FHIT: variants seen among roughly 807,000 people sequenced by gnomAD.
The protein encoded by FHIT is fragile histidine triad diadenosine triphosphatase.
In FHIT, 19 loss-of-function variants were observed where a neutral mutation model predicts 17.9. The observed-to-expected ratio is 1.06, with a 90% CI of 0.74 to 1.56. FHIT has a LOEUF of 1.56. Among genes scored for constraint, FHIT ranks in the 40% most tolerant of loss-of-function variants. The probability of loss-of-function intolerance (pLI) is 0.00; values close to 1 mark genes in which losing one functional copy is unlikely to be tolerated. For missense variants in FHIT, 248 were observed against 189.2 expected (o/e 1.31, Z -1.82); for synonymous variants, 81 against 69.7 (o/e 1.16, Z -0.81).
chr3:60,883,132 T>C (rs1031433642), intron 3 of FHIT, among the ~76,000 whole-genome samples: 1 of 151,358 alleles, frequency 6.6e-6, no homozygotes, highest in Non-Finnish European at 1.5e-5. Flanking sequence ...AGAAAGAAAA[T>C]ATAAAATACC....
chr3:60,540,924 C>A (rs1387877104), intron 4 of FHIT, among the ~76,000 whole-genome samples: 1 of 152,162 alleles, frequency 6.6e-6, no homozygotes, highest in Non-Finnish European at 1.5e-5. Flanking sequence ...TCCACAATAG[C>A]ATCAGCATCA....
intron 8 of FHIT, among the ~76,000 whole-genome samples, chr3:59,883,394 C>T (rs1703486681): frequency 6.6e-6 from 1 of 152,118 alleles, no homozygotes; most frequent in Admixed American, 6.5e-5. Flanking sequence ...GCCTCACAAT[C>T]ATGGTAGAAG....
chr3:60,884,903 C>A (rs1431535188), intron 3 of FHIT, among the ~76,000 whole-genome samples: 1 of 91,456 alleles, frequency 1.1e-5, no homozygotes, highest in Non-Finnish European at 2.4e-5. Context: ...AGACTGAGAC[C>A]CTTTCTCAAA....
At position 60,227,980 on chromosome 3, in the gene FHIT, A is replaced by G. The variant is rs193218780; in HGVS notation, c.104-213828T>C. ...TGCAGGGGAGCTGGAGATAGTTGCA[A>G]GAGGGAGACCTATTAGGTTTCCTTT... On this transcript the variant is annotated intron_variant, in intron 5 of 9. Coordinates refer to ENST00000492590, the MANE Select transcript of FHIT (RefSeq NM_002012.4). Among the ~76,000 whole-genome samples the G allele has an allele frequency of 2.4e-4, 36 of 152,310 alleles. 1 individual carries two copies. The highest frequency in any genetic ancestry group is 8.2e-4 in the African/African-American group (34 of 41,572).
At chr3:59,911,221 T>G (rs964266661) in intron 8 of FHIT, among the ~76,000 whole-genome samples, 1 of 152,194 alleles carries the variant, frequency 6.6e-6, no homozygotes, top group African/African-American at 2.4e-5. Context: ...GCATTTAAAT[T>G]GTTTCCCAGG....
intron 5 of FHIT, among the ~76,000 whole-genome samples, chr3:60,094,737 T>C (rs1341321956): frequency 6.6e-6 from 1 of 150,398 alleles, no homozygotes; most frequent in Non-Finnish European, 1.5e-5. Flanking sequence ...GGTAGCTGGG[T>C]GCTGCTGGCA....
intron 5 of FHIT, among the ~76,000 whole-genome samples, chr3:60,034,438 A>C (rs2106800427): frequency 6.6e-6 from 1 of 152,372 alleles, no homozygotes; most frequent in South Asian, 2.1e-4. Context: ...GATATGATCA[A>C]GAAAATGCTA....
At chr3:61,019,497 G>A (rs1400804604) in intron 3 of FHIT, among the ~76,000 whole-genome samples, 2 of 152,176 alleles carry the variant, frequency 1.3e-5, no homozygotes, top group East Asian at 1.9e-4. Context: ...CTTCATTACC[G>A]TGAATAGGAA....
intron 2 of FHIT, among the ~76,000 whole-genome samples, chr3:61,048,847 C>T (rs988095375): frequency 2.0e-5 from 3 of 151,976 alleles, no homozygotes; most frequent in Non-Finnish European, 4.4e-5. Context: ...AAGCTGGAAA[C>T]AATCATTTTC....
At chr3:60,863,777 C>G (rs1704034890) in intron 3 of FHIT, among the ~76,000 whole-genome samples, 1 of 151,960 alleles carries the variant, frequency 6.6e-6, no homozygotes, top group Admixed American at 6.6e-5. Flanking sequence ...ATGCAAAGAA[C>G]ATAATAAAGA....
intron 3 of FHIT, among the ~76,000 whole-genome samples, chr3:60,827,351 G>T (rs907574514): frequency 6.6e-6 from 1 of 152,200 alleles, no homozygotes; most frequent in Non-Finnish European, 1.5e-5. Context: ...TGCTGGCTTT[G>T]CTCTCATTGC....
At chr3:59,810,398 G>C (rs1248254565) in intron 8 of FHIT, among the ~76,000 whole-genome samples, 1 of 152,172 alleles carries the variant, frequency 6.6e-6, no homozygotes, top group African/African-American at 2.4e-5. Flanking sequence ...TGCAAGGGCA[G>C]CTCCTCAGAG....
At chr3:60,902,256 C>A (rs1421195082) in intron 3 of FHIT, among the ~76,000 whole-genome samples, 5 of 152,206 alleles carry the variant, frequency 3.3e-5, no homozygotes, top group Non-Finnish European at 1.5e-5. Flanking sequence ...TAAATGCAAT[C>A]ATAAACCATT....
intron 2 of FHIT, among the ~76,000 whole-genome samples, chr3:61,066,879 A>G (rs1347118246): frequency 2.0e-5 from 3 of 152,242 alleles, no homozygotes; most frequent in African/African-American, 7.2e-5. Context: ...AGCATGTGTT[A>G]TCAACACCTG....
chr3:61,205,640 T>C (rs1229742386), intron 1 of FHIT, among the ~76,000 whole-genome samples: 7 of 152,214 alleles, frequency 4.6e-5, no homozygotes, highest in Non-Finnish European at 1.0e-4. Context: ...GTGTCTGTTC[T>C]TATCCTTTTC....
At chr3:59,847,072 C>T (rs1701749791) in intron 8 of FHIT, among the ~76,000 whole-genome samples, 1 of 152,058 alleles carries the variant, frequency 6.6e-6, no homozygotes, top group Non-Finnish European at 1.5e-5. Context: ...TTCAGGCTCA[C>T]CCTATTTGTA....
intron 8 of FHIT, among the ~76,000 whole-genome samples, chr3:59,799,432 TGAAAC>T (rs1699907811): frequency 6.6e-6 from 1 of 152,136 alleles, no homozygotes; most frequent in East Asian, 1.9e-4. Flanking sequence ...GGGAAGGCCC[TGAAAC>T]TCCCCTAACA....
At chr3:60,732,684 CTT>C (rs3038041) in intron 4 of FHIT, 18,275 of 176,866 alleles carry the variant, frequency 0.1, 19 homozygotes, top group South Asian at 0.17. Flanking sequence ...GCAAAGACTG[CTT>C]TTTTTTTTTT....
chr3:61,169,974 G>A (rs886756406), intron 2 of FHIT, among the ~76,000 whole-genome samples: 1 of 152,088 alleles, frequency 6.6e-6, no homozygotes, highest in Admixed American at 6.6e-5. Context: ...ATCAAGGGTG[G>A]GGTGAGAAAC....
Sources: allele counts gnomAD v4.1 joint callset (sites outside exome capture counted in the v4.1 genomes callset), GRCh38; gene constraint gnomAD v4.1.1; transcripts MANE v1.5; gene names NCBI Gene and HGNC (gene_info 2026-07-23, HGNC 2026-07-21).